Variants in GRAMD4 observed in about 807,000 individuals in gnomAD.
GRAMD4 encodes the protein GRAM domain containing 4.
GRAMD4 carries 25 observed loss-of-function variants against 83.9 expected under a neutral mutation model. That is an observed-to-expected ratio of 0.30 (90% confidence interval 0.22 to 0.42). GRAMD4 has a LOEUF of 0.42. GRAMD4 is among the 10% of genes least tolerant of loss of function. The pLI, the probability that GRAMD4 is intolerant of heterozygous loss-of-function variation, is 1.00. For synonymous variants in GRAMD4, 336 were observed against 320.9 expected, an observed-to-expected ratio of 1.05 and a Z score of -0.50; for missense variants, 593 against 788.7, an observed-to-expected ratio of 0.75 and a Z score of 2.97.
At chr22:46,579,728 C>T (rs1041680601) in intron 1 of GRAMD4, among the ~76,000 whole-genome samples, 1 of 152,174 alleles carries the variant, frequency 6.6e-6, no homozygotes, top group Non-Finnish European at 1.5e-5. Flanking sequence ...GTATTTCTCT[C>T]CGGTAGCCGA....
intron 3 of GRAMD4, among the ~76,000 whole-genome samples, chr22:46,656,605 C>G (rs1365329268): frequency 6.6e-6 from 1 of 152,218 alleles, no homozygotes; most frequent in Non-Finnish European, 1.5e-5. Context: ...ACTGGGGTCA[C>G]TCCCACCCTA....
chr22:46,588,788 C>T (rs1053730853), intron 1 of GRAMD4, among the ~76,000 whole-genome samples: 14 of 151,346 alleles, frequency 9.3e-5, no homozygotes, highest in African/African-American at 1.7e-4. Context: ...ACACTGGCGT[C>T]GGTCCGGGCT....
chr22:46,596,002 GA>G (rs1178814851), intron 1 of GRAMD4, among the ~76,000 whole-genome samples: 1 of 152,242 alleles, frequency 6.6e-6, no homozygotes, highest in Non-Finnish European at 1.5e-5. Flanking sequence ...CCAGACCCTG[GA>G]TGCTCTCCGT....
upstream of GRAMD4, among the ~76,000 whole-genome samples, chr22:46,617,722 C>T (rs1008542095): frequency 2.6e-5 from 4 of 152,142 alleles, no homozygotes; most frequent in African/African-American, 7.2e-5. Context: ...GGCCATACAC[C>T]GTGCTGGCAT....
At chr22:46,613,974 C>T (rs9917583) in intron 1 of GRAMD4, among the ~76,000 whole-genome samples, 45,136 of 152,080 alleles carry the variant, frequency 0.3, 7,265 homozygotes, top group East Asian at 0.62. Context: ...CCGTCATGGC[C>T]GCGGCTGCAG....
chr22:46,637,692 T>TCC, intron 2 of GRAMD4, 148 bp from the exon 3 acceptor site: 1 of 746,842 alleles, frequency 1.3e-6, no homozygotes, highest in Non-Finnish European at 2.2e-6. Context: ...TGCTGCGTCG[T>TCC]CCCCATGTCC....
upstream of GRAMD4, among the ~76,000 whole-genome samples, chr22:46,616,596 C>CCG (rs1239412343): frequency 7.5e-6 from 1 of 133,308 alleles, no homozygotes; most frequent in Non-Finnish European, 1.6e-5. Flanking sequence ...GCAGGTTCCC[C>CCG]TGTGTGTAGG....
Position 46,679,091 on chromosome 22 carries a change from C to G in GRAMD4, c.*1840C>G. The G allele has an allele frequency of 1.0e-6, 1 of 985,578 alleles. No individual in the cohort carries two copies. The highest frequency in any genetic ancestry group is 1.2e-6 in the Non-Finnish European group (1 of 829,980). 61.1% of individuals were successfully genotyped at this position (985,578 alleles called of 1,614,324 possible). ...GAGGCAACACAGGGTGGGCACTGAC[C>G]CACCCCCAGGGGCGGCTGCAGAGGC... On this transcript the variant is annotated 3_prime_UTR_variant, in exon 19 of 19. Transcript: ENST00000406902.
At position 46,674,639 on chromosome 22, in the gene GRAMD4, C is replaced by A; in HGVS notation, c.1385-18C>A. On this transcript the variant is annotated intron_variant, in intron 15 of 18. Coordinates refer to ENST00000406902, the MANE Select transcript of GRAMD4 (RefSeq NM_015124.5). Reference sequence around the variant, plus strand: ...TACTTCCAGTGGAAAGTGTGACAGGCGGGCCTTCTCCCATTAGTGTGCGAG... The same window carrying A: ...TACTTCCAGTGGAAAGTGTGACAGGAGGGCCTTCTCCCATTAGTGTGCGAG... The A allele has an allele frequency of 6.4e-7, 1 of 1,552,128 alleles. No homozygotes were observed. Among genetic ancestry groups the A allele is most frequent in the Non-Finnish European group, 8.9e-7 (1 of 1,123,918 alleles).
At chr22:46,633,398 T>C (rs1455958747) in intron 2 of GRAMD4, among the ~76,000 whole-genome samples, 4 of 152,188 alleles carry the variant, frequency 2.6e-5, no homozygotes, top group African/African-American at 7.2e-5. Context: ...CTAATGAAGG[T>C]GGGGACTTGG....
intron 3 of GRAMD4, among the ~76,000 whole-genome samples, chr22:46,655,154 C>T (rs1354259435): frequency 6.6e-6 from 1 of 151,962 alleles, no homozygotes; most frequent in Admixed American, 6.6e-5. Flanking sequence ...GGGGCAGGCC[C>T]GACCCTCGGC....
At chr22:46,648,429 G>GTGGA (rs1162648485) in intron 3 of GRAMD4, among the ~76,000 whole-genome samples, 43 of 148,724 alleles carry the variant, frequency 2.9e-4, no homozygotes, top group East Asian at 1.0e-3. Flanking sequence ...GGGTGAATGG[G>GTGGA]TGGATGGATG....
At chr22:46,591,490 G>A (rs951061706) in intron 1 of GRAMD4, among the ~76,000 whole-genome samples, 2 of 152,146 alleles carry the variant, frequency 1.3e-5, no homozygotes, top group African/African-American at 4.8e-5. Flanking sequence ...GAAGCTCCAT[G>A]AGGCAGAGGC....
At chr22:46,625,013 A>G (rs2081634444) in intron 1 of GRAMD4, among the ~76,000 whole-genome samples, 1 of 151,570 alleles carries the variant, frequency 6.6e-6, no homozygotes, top group Non-Finnish European at 1.5e-5. Flanking sequence ...GGCGCCCACC[A>G]CCACGCCCGG....
At chr22:46,585,903 C>A (rs964605603) in intron 1 of GRAMD4, among the ~76,000 whole-genome samples, 3 of 152,224 alleles carry the variant, frequency 2.0e-5, no homozygotes, top group African/African-American at 7.2e-5. Context: ...GGAGACCCAA[C>A]CAGCATGTGC....
intron 1 of GRAMD4, among the ~76,000 whole-genome samples, chr22:46,602,673 TG>T (rs1319837235): frequency 2.0e-5 from 3 of 151,856 alleles, no homozygotes; most frequent in African/African-American, 7.3e-5. Context: ...AAAAAAAAAT[TG>T]TATTTCTCTC....
At chr22:46,660,326 C>A (rs1292683700) in intron 4 of GRAMD4, among the ~76,000 whole-genome samples, 1 of 152,118 alleles carries the variant, frequency 6.6e-6, no homozygotes. Context: ...CGCTTAGGAA[C>A]CTTCTGGAAG....
intron 6 of GRAMD4, 32 bp downstream of exon 6, chr22:46,663,204 C>T (rs1422951894): frequency 1.4e-5 from 22 of 1,596,084 alleles, no homozygotes; most frequent in Middle Eastern, 1.8e-4. Context: ...GCTGCCTGTG[C>T]GTTAGGGGCC....
Position 46,673,015 on chromosome 22 carries a change from C to T in GRAMD4, c.1239+18C>T. 1 of 1,555,098 alleles carries T rather than the reference C, an allele frequency of 6.4e-7. No homozygotes were observed. ...CACGCAGGGTGAGCCCGGCCCCCAG[C>T]TGCGGGGATGGGGGGATGGGGGGCC... On this transcript the variant is annotated intron_variant, in intron 14 of 18. Transcript: ENST00000406902.
Sources: allele counts gnomAD v4.1 joint callset (sites outside exome capture counted in the v4.1 genomes callset), GRCh38; gene constraint gnomAD v4.1.1; transcripts MANE v1.5; gene names NCBI Gene and HGNC (gene_info 2026-07-23, HGNC 2026-07-21).